Variants in OPCML observed in about 807,000 individuals in gnomAD.
OPCML encodes opioid-binding protein/cell adhesion molecule.
OPCML carries 13 observed loss-of-function variants against 37.8 expected under a neutral mutation model. The observed-to-expected ratio is 0.34, with a 90% CI of 0.22 to 0.55. OPCML has a LOEUF of 0.55. Among genes scored for constraint, OPCML ranks in the 20% least tolerant of loss-of-function variants. OPCML has a pLI of 0.91. For missense variants in OPCML, 341 were observed against 435.6 expected (o/e 0.78, Z 1.93); for synonymous variants, 176 against 168.8 (o/e 1.04, Z -0.33).
intron 1 of OPCML, among the ~76,000 whole-genome samples, chr11:133,039,756 A>C (rs954838220): frequency 1.3e-5 from 2 of 152,134 alleles, no homozygotes; most frequent in Non-Finnish European, 2.9e-5. Flanking sequence ...AAGGCTCCTC[A>C]TTCATGTGAA....
At chr11:133,188,359 C>A (rs985101187) in intron 1 of OPCML, among the ~76,000 whole-genome samples, 1 of 152,130 alleles carries the variant, frequency 6.6e-6, no homozygotes, top group Non-Finnish European at 1.5e-5. Context: ...AATATAAATT[C>A]ATTTTCTTAT....
At chr11:133,062,042 A>G (rs1948352181) in intron 1 of OPCML, among the ~76,000 whole-genome samples, 2 of 152,182 alleles carry the variant, frequency 1.3e-5, no homozygotes, top group African/African-American at 2.4e-5. Context: ...CTGGGTGTAA[A>G]GACACCTTTC....
intron 2 of OPCML, among the ~76,000 whole-genome samples, chr11:132,690,482 T>C (rs1943353671): frequency 6.6e-6 from 1 of 152,062 alleles, no homozygotes; most frequent in African/African-American, 2.4e-5. Flanking sequence ...TACTGGAGTG[T>C]GTCAAAGGAA....
chr11:133,006,952 A>T, intron 1 of OPCML: 1 of 985,424 alleles, frequency 1.0e-6, no homozygotes, highest in Non-Finnish European at 1.2e-6. Flanking sequence ...TACCTAATAA[A>T]TGTCTGCAAA....
chr11:132,730,239 C>G (rs1591528457), intron 2 of OPCML, among the ~76,000 whole-genome samples: 1 of 151,886 alleles, frequency 6.6e-6, no homozygotes, highest in South Asian at 2.1e-4. Context: ...TAACAGGTAC[C>G]AAATGCAGTT....
At chr11:133,009,732 G>T (rs887422771) in intron 1 of OPCML, among the ~76,000 whole-genome samples, 2 of 152,184 alleles carry the variant, frequency 1.3e-5, no homozygotes, top group African/African-American at 4.8e-5. Flanking sequence ...ATTCACAGCA[G>T]GGTTTGTGCT....
At position 132,415,217 on chromosome 11, in the gene OPCML, T is replaced by A. The variant is rs1565540755; in HGVS notation, c.*4976A>T. ...AGGCTGACAAAGTCATACTCTTGTATCGTGTGATAAATTTTTAAAGCATTT... is the reference window on the plus strand; with the variant it reads ...AGGCTGACAAAGTCATACTCTTGTAACGTGTGATAAATTTTTAAAGCATTT... On this transcript the variant is annotated 3_prime_UTR_variant, in exon 8 of 8. Coordinates refer to ENST00000524381, the MANE Select transcript of OPCML (RefSeq NM_001012393.5). 1 of 152,600 alleles carries A rather than the reference T, an allele frequency of 6.6e-6. No homozygotes were observed. The highest frequency in any genetic ancestry group is 2.4e-5 in the African/African-American group (1 of 41,450). 9.5% of individuals were successfully genotyped at this position (152,600 alleles called of 1,614,324 possible). A position where few individuals can be genotyped will look rare whatever the true frequency, so the allele number is the denominator to read the frequency against.
chr11:132,475,436 A>G (rs2035177087), intron 4 of OPCML, among the ~76,000 whole-genome samples: 1 of 152,152 alleles, frequency 6.6e-6, no homozygotes, highest in Admixed American at 6.6e-5. Flanking sequence ...TCAGAATATG[A>G]CTGTTTGGAG....
chr11:132,775,198 G>A (rs1946771108), intron 2 of OPCML, among the ~76,000 whole-genome samples: 1 of 152,182 alleles, frequency 6.6e-6, no homozygotes. Flanking sequence ...GAAGCACATC[G>A]ATGACTATGG....
chr11:132,725,779 A>G (rs1345471133), intron 2 of OPCML, among the ~76,000 whole-genome samples: 3 of 122,154 alleles, frequency 2.5e-5, no homozygotes, highest in Non-Finnish European at 4.8e-5. Flanking sequence ...ACTCCATCTC[A>G]AAAAAAAAAA....
At chr11:132,988,836 T>G (rs1459952535) in intron 1 of OPCML, among the ~76,000 whole-genome samples, 1 of 152,118 alleles carries the variant, frequency 6.6e-6, no homozygotes, top group Non-Finnish European at 1.5e-5. Flanking sequence ...AAAATTAATG[T>G]CAAGAGTATT....
rs1320101538 is a variant in OPCML at position 133,458,597 on chromosome 11, GTGTGTGTGTGTA to G, written c.61+73655_61+73666del. 1.4e-4 allele frequency among the ~76,000 whole-genome samples: 13 copies of G among 91,646 alleles called. 2 individuals carry two copies. Among genetic ancestry groups the G allele is most frequent in the African/African-American group, 1.3e-3 (6 of 4,666 alleles). 60.1% of individuals were successfully genotyped at this position (91,646 alleles called of 152,430 possible). On this transcript the variant is annotated intron_variant, in intron 1 of 7. Coordinates refer to ENST00000524381, the MANE Select transcript of OPCML (RefSeq NM_001012393.5). ...CACGTGTGTGTACACATATATACAC[GTGTGTGTGTGTA>G]TACACATATATACACGTGTGTGTGT... is the stretch of plus-strand genomic sequence containing the variant.
chr11:132,466,305 C>A (rs1163167955), intron 4 of OPCML, among the ~76,000 whole-genome samples: 15 of 142,106 alleles, frequency 1.1e-4, no homozygotes, highest in African/African-American at 4.1e-4. Context: ...AACCCCGTCT[C>A]TACTAAAAAT....
chr11:133,019,979 C>T (rs1355765325), intron 1 of OPCML, among the ~76,000 whole-genome samples: 1 of 152,206 alleles, frequency 6.6e-6, no homozygotes, highest in East Asian at 1.9e-4. Flanking sequence ...TTTAAAATTC[C>T]ACTGCTGCTA....
chr11:132,718,966 T>C (rs1009816941), intron 2 of OPCML, among the ~76,000 whole-genome samples: 1 of 152,200 alleles, frequency 6.6e-6, no homozygotes, highest in African/African-American at 2.4e-5. Flanking sequence ...CATAGCTTCA[T>C]GGCTTTACGG....
At chr11:132,815,993 A>AT (rs1331341846) in intron 2 of OPCML, among the ~76,000 whole-genome samples, 3 of 152,326 alleles carry the variant, frequency 2.0e-5, no homozygotes, top group Non-Finnish European at 2.9e-5. Flanking sequence ...TATTGGCCTA[A>AT]TTTTTCTCTA....
At chr11:132,604,516 C>T (rs1195566649) in intron 3 of OPCML, among the ~76,000 whole-genome samples, 1 of 152,126 alleles carries the variant, frequency 6.6e-6, no homozygotes, top group African/African-American at 2.4e-5. Context: ...TCTCTGATGC[C>T]CTTATGAACT....
intron 1 of OPCML, among the ~76,000 whole-genome samples, chr11:133,492,884 C>T (rs1448808661): frequency 6.6e-6 from 1 of 152,118 alleles, no homozygotes; most frequent in Non-Finnish European, 1.5e-5. Context: ...CTTGGGGATA[C>T]AGCAGCACCA....
At chr11:133,024,694 G>A (rs921866004) in intron 1 of OPCML, 2 of 833,246 alleles carry the variant, frequency 2.4e-6, no homozygotes, top group Non-Finnish European at 2.9e-6. Flanking sequence ...AGTGGTGGGG[G>A]ATGGGGAGGT....
Sources: allele counts gnomAD v4.1 joint callset (sites outside exome capture counted in the v4.1 genomes callset), GRCh38; gene constraint gnomAD v4.1.1; transcripts MANE v1.5; gene names NCBI Gene and HGNC (gene_info 2026-07-23, HGNC 2026-07-21).